Variants in DRC8 observed in about 807,000 individuals in gnomAD.
DRC8 encodes the protein dynein regulatory complex protein 8.
chr1:245,059,019 A>C, the DRC8 span, among the ~76,000 whole-genome samples: 1 of 152,226 alleles, frequency 6.6e-6, no homozygotes, highest in Non-Finnish European at 1.5e-5. Context: ...TACTAATGTC[A>C]ACTTCACCAC....
chr1:245,114,210 A>G, the DRC8 span, among the ~76,000 whole-genome samples: 1 of 152,056 alleles, frequency 6.6e-6, no homozygotes, highest in East Asian at 1.9e-4. Flanking sequence ...CACACCTGTA[A>G]TCCCAGCACT....
At chr1:245,016,370 C>T in the DRC8 span, among the ~76,000 whole-genome samples, 1 of 152,194 alleles carries the variant, frequency 6.6e-6, no homozygotes, top group South Asian at 2.1e-4. Context: ...CCTGAAAACT[C>T]TGCAGTTGTT....
chr1:245,029,333 T>A, the DRC8 span, among the ~76,000 whole-genome samples: 1 of 152,242 alleles, frequency 6.6e-6, no homozygotes, highest in African/African-American at 2.4e-5. Flanking sequence ...AGCCTCACTC[T>A]GTCACCCAGG....
At chr1:245,056,781 C>A in the DRC8 span, among the ~76,000 whole-genome samples, 3 of 151,572 alleles carry the variant, frequency 2.0e-5, no homozygotes, top group African/African-American at 7.3e-5. Flanking sequence ...ACTAAAAATA[C>A]AAAAAATTAG....
chr1:244,979,987 G>A, the DRC8 span, among the ~76,000 whole-genome samples: 2 of 136,274 alleles, frequency 1.5e-5, no homozygotes, highest in East Asian at 4.4e-4. Flanking sequence ...GGTGGATCAC[G>A]AGGTCAGGAG....
chr1:245,103,768 G>A, the DRC8 span, among the ~76,000 whole-genome samples: 1 of 152,224 alleles, frequency 6.6e-6, no homozygotes, highest in African/African-American at 2.4e-5. Flanking sequence ...GCTTGACTCA[G>A]AGCTTCCTAG....
At chr1:245,044,829 C>T in the DRC8 span, among the ~76,000 whole-genome samples, 81 of 152,152 alleles carry the variant, frequency 5.3e-4, no homozygotes, top group African/African-American at 1.9e-3. Flanking sequence ...ATCCACCTAC[C>T]TCGGTACCCC....
At chr1:245,006,295 G>A in the DRC8 span, among the ~76,000 whole-genome samples, 1 of 119,230 alleles carries the variant, frequency 8.4e-6, no homozygotes. Context: ...TTAGCTGGAA[G>A]TGATGAGTGT....
At chr1:245,079,944 G>A in the DRC8 span, among the ~76,000 whole-genome samples, 1 of 152,182 alleles carries the variant, frequency 6.6e-6, no homozygotes, top group South Asian at 2.1e-4. Context: ...CTTAGAGGCA[G>A]CTGAAGACAA....
chr1:244,987,821 C>G, the DRC8 span, among the ~76,000 whole-genome samples: 3 of 151,888 alleles, frequency 2.0e-5, no homozygotes, highest in Non-Finnish European at 4.4e-5. Flanking sequence ...ATTATTTTAT[C>G]TTAATTTCTG....
chr1:245,082,897 C>G, the DRC8 span, among the ~76,000 whole-genome samples: 1 of 151,984 alleles, frequency 6.6e-6, no homozygotes, highest in South Asian at 2.1e-4. Flanking sequence ...TTAGTAGAGA[C>G]AGAGTTTCAC....
At chr1:245,080,110 G>C in the DRC8 span, among the ~76,000 whole-genome samples, 3 of 152,194 alleles carry the variant, frequency 2.0e-5, no homozygotes, top group African/African-American at 7.2e-5. Context: ...GGATGATGGT[G>C]TGTTCCACTT....
chr1:244,990,054 A>G, the DRC8 span, among the ~76,000 whole-genome samples: 1 of 152,174 alleles, frequency 6.6e-6, no homozygotes, highest in Non-Finnish European at 1.5e-5. Context: ...CTGACATTTA[A>G]CCATGAACAT....
chr1:245,116,302 C>T, the DRC8 span, among the ~76,000 whole-genome samples: 1 of 152,074 alleles, frequency 6.6e-6, no homozygotes, highest in East Asian at 1.9e-4. Context: ...TTGGGAGGAT[C>T]GCTTGAGGCC....
At chr1:245,118,901 G>T in the DRC8 span, among the ~76,000 whole-genome samples, 3 of 152,178 alleles carry the variant, frequency 2.0e-5, no homozygotes, top group Non-Finnish European at 4.4e-5. Flanking sequence ...TATAAGGAGA[G>T]AACTTTACTT....
chr1:245,017,185 T>C, the DRC8 span: 2 of 1,523,554 alleles, frequency 1.3e-6, no homozygotes, highest in Non-Finnish European at 1.8e-6. Flanking sequence ...TATTAGAATT[T>C]TTGTTTTGAA....
At chr1:244,974,784 T>G in the DRC8 span, among the ~76,000 whole-genome samples, 1 of 152,194 alleles carries the variant, frequency 6.6e-6, no homozygotes, top group East Asian at 1.9e-4. Flanking sequence ...AGCCTCGACC[T>G]CCTGGGCTCA....
the DRC8 span, among the ~76,000 whole-genome samples, chr1:245,008,489 G>C: frequency 6.6e-6 from 1 of 151,886 alleles, no homozygotes; most frequent in African/African-American, 2.4e-5. Context: ...TGAAATAGTT[G>C]TACTCAATTC....
At chr1:245,119,262 C>T in the DRC8 span, among the ~76,000 whole-genome samples, 5 of 151,678 alleles carry the variant, frequency 3.3e-5, no homozygotes, top group African/African-American at 1.2e-4. Flanking sequence ...TAATGAAGTG[C>T]GAATATGAAG....
Sources: gnomAD v4.1 joint callset for allele counts (sites outside exome capture counted in the v4.1 genomes callset) on GRCh38, gnomAD v4.1.1 for gene constraint, MANE v1.5 for transcripts, NCBI Gene and HGNC (gene_info 2026-07-23, HGNC 2026-07-21) for gene names.